The following NCKAP5 variants were observed in gnomAD, a reference collection of about 807,000 sequenced individuals.
NCKAP5 encodes NCK associated protein 5.
A neutral mutation model predicts 167.0 loss-of-function variants in NCKAP5; 92 were observed. That is an observed-to-expected ratio of 0.55 (90% confidence interval 0.47 to 0.66). The LOEUF is 0.66. Ranked by LOEUF, NCKAP5 falls within the 30% of genes least tolerant of loss-of-function variation. The probability of loss-of-function intolerance (pLI) is 0.00; values close to 1 mark genes in which losing one functional copy is unlikely to be tolerated. For missense variants in NCKAP5, 2,378 were observed against 2,315.0 expected, an observed-to-expected ratio of 1.03 and a Z score of -0.56; for synonymous variants, 891 against 877.4, an observed-to-expected ratio of 1.02 and a Z score of -0.27.
At chr2:133,526,774 A>G (rs1353958488) in intron 2 of NCKAP5, among the ~76,000 whole-genome samples, 2 of 152,194 alleles carry the variant, frequency 1.3e-5, no homozygotes, top group Non-Finnish European at 2.9e-5. Flanking sequence ...AATACATTAC[A>G]TAAAACGTCT....
intron 8 of NCKAP5, among the ~76,000 whole-genome samples, chr2:132,922,251 A>G (rs755968176): frequency 2.6e-5 from 4 of 152,188 alleles, no homozygotes; most frequent in Non-Finnish European, 2.9e-5. Flanking sequence ...TCATACATGT[A>G]AAAGCTCAGA....
chr2:133,153,394 G>A (rs2083449712), intron 5 of NCKAP5, among the ~76,000 whole-genome samples: 1 of 152,056 alleles, frequency 6.6e-6, no homozygotes, highest in Non-Finnish European at 1.5e-5. Flanking sequence ...TGAGAGTGGA[G>A]CAGGTAATAT....
At chr2:133,034,620 AC>A (rs1187180251) in intron 6 of NCKAP5, among the ~76,000 whole-genome samples, 1 of 152,118 alleles carries the variant, frequency 6.6e-6, no homozygotes, top group Non-Finnish European at 1.5e-5. Context: ...AAATGGGGGA[AC>A]AAAGTTAAGG....
chr2:133,203,468 A>C (rs2085797507), intron 5 of NCKAP5, among the ~76,000 whole-genome samples: 1 of 152,168 alleles, frequency 6.6e-6, no homozygotes, highest in Non-Finnish European at 1.5e-5. Context: ...GCAGCACACC[A>C]ACATGGTACA....
intron 3 of NCKAP5, among the ~76,000 whole-genome samples, chr2:133,444,353 AAGAT>A (rs3085736): frequency 0.34 from 50,778 of 147,514 alleles, 8,811 homozygotes; most frequent in Non-Finnish European, 0.37. Flanking sequence ...GACAAAAACA[AAGAT>A]AGATAGATAG....
chr2:133,194,507 C>T (rs1209015826), intron 5 of NCKAP5, among the ~76,000 whole-genome samples: 1 of 152,042 alleles, frequency 6.6e-6, no homozygotes, highest in Non-Finnish European at 1.5e-5. Context: ...TCACATCTGG[C>T]AAGCACAGCT....
At chr2:133,317,098 A>T (rs1407740827) in intron 3 of NCKAP5, among the ~76,000 whole-genome samples, 1 of 152,192 alleles carries the variant, frequency 6.6e-6, no homozygotes, top group Non-Finnish European at 1.5e-5. Context: ...ACCTTCTCAG[A>T]CCTAGTATTT....
chr2:133,228,896 A>G (rs2087015420), intron 4 of NCKAP5, among the ~76,000 whole-genome samples: 1 of 152,260 alleles, frequency 6.6e-6, no homozygotes, highest in Admixed American at 6.5e-5. Context: ...ATATTCAATT[A>G]GTACCTGATT....
At position 133,274,602 on chromosome 2, in the gene NCKAP5, C is replaced by T. The variant is rs569945961; in HGVS notation, c.143+28435G>A. Among the ~76,000 whole-genome samples, 4 of 151,902 alleles carry T rather than the reference C, an allele frequency of 2.6e-5. No homozygotes were observed. In the South Asian group the frequency reaches 8.3e-4, roughly 32 times the overall value. ...CTAACATTCCAAAAAGGGTCAGGTA[C>T]CTTACTATAAAACAATGTAATTCAA... On this transcript the variant is annotated intron_variant, in intron 4 of 19. Transcript: ENST00000409261.
In NCKAP5 at chr2:133,000,272, G is replaced by C. The variant is rs1317492402; in HGVS notation, c.342-6033C>G. Among the ~76,000 whole-genome samples the C allele has an allele frequency of 2.0e-5, 3 of 152,256 alleles. No individual in the cohort carries two copies. In the South Asian group the frequency reaches 6.2e-4, roughly 32 times the overall value. ...TTTAAGAAAGGGTCCCACCATGACT[G>C]AACTTCATTTAATGACAGGAAGAAA... is the stretch of plus-strand genomic sequence containing the variant. On this transcript the variant is annotated intron_variant, in intron 6 of 19. Coordinates refer to ENST00000409261, the MANE Select transcript of NCKAP5 (RefSeq NM_207363.3).
At chr2:133,368,705 T>C (rs912746578) in intron 3 of NCKAP5, among the ~76,000 whole-genome samples, 1 of 152,210 alleles carries the variant, frequency 6.6e-6, no homozygotes, top group Non-Finnish European at 1.5e-5. Flanking sequence ...ATGATTAAGT[T>C]GAGGAGATAA....
chr2:132,683,129 C>T (rs903709999), intron 19 of NCKAP5, among the ~76,000 whole-genome samples: 3 of 152,088 alleles, frequency 2.0e-5, no homozygotes, highest in Admixed American at 6.5e-5. Flanking sequence ...GGCCATCCAC[C>T]TGCCTCAGCC....
chr2:133,185,369 T>A (rs2084902303), intron 5 of NCKAP5, among the ~76,000 whole-genome samples: 1 of 152,178 alleles, frequency 6.6e-6, no homozygotes, highest in Admixed American at 6.6e-5. Flanking sequence ...TGTGGCACTA[T>A]AGTATAGTTT....
upstream of NCKAP5, among the ~76,000 whole-genome samples, chr2:133,568,898 T>A (rs554558212): frequency 5.2e-4 from 79 of 152,314 alleles, no homozygotes; most frequent in Non-Finnish European, 8.5e-4. Flanking sequence ...GCCGACATTT[T>A]TCCTAGATAG....
chr2:132,951,026 A>G (rs527286431), intron 8 of NCKAP5, among the ~76,000 whole-genome samples: 116 of 152,362 alleles, frequency 7.6e-4, no homozygotes, highest in Non-Finnish European at 1.3e-3. Context: ...CTATCTTGGG[A>G]AAAATGATGC....
At chr2:132,699,294 G>A (rs1687646704) in intron 19 of NCKAP5, among the ~76,000 whole-genome samples, 1 of 152,110 alleles carries the variant, frequency 6.6e-6, no homozygotes, top group Admixed American at 6.5e-5. Flanking sequence ...ATGCATTCAG[G>A]CTTTAATGTG....
intron 6 of NCKAP5, among the ~76,000 whole-genome samples, chr2:133,072,081 CTT>C: frequency 1.4e-5 from 2 of 145,080 alleles, no homozygotes; most frequent in African/African-American, 5.0e-5. Flanking sequence ...TTTATCCAGG[CTT>C]TTTTTTTTTT....
intron 4 of NCKAP5, among the ~76,000 whole-genome samples, chr2:133,277,670 A>C (rs2089784921): frequency 6.6e-6 from 1 of 152,184 alleles, no homozygotes; most frequent in Admixed American, 6.5e-5. Context: ...TATGTGAAGA[A>C]ACTTCCAAGA....
At chr2:133,541,843 C>T (rs549170053) in intron 2 of NCKAP5, among the ~76,000 whole-genome samples, 2 of 151,942 alleles carry the variant, frequency 1.3e-5, no homozygotes, top group Non-Finnish European at 2.9e-5. Context: ...AGGACTAAGT[C>T]GCCATAAACA....
Sources: gnomAD v4.1 joint callset for allele counts (sites outside exome capture counted in the v4.1 genomes callset) on GRCh38, gnomAD v4.1.1 for gene constraint, MANE v1.5 for transcripts, NCBI Gene and HGNC (gene_info 2026-07-23, HGNC 2026-07-21) for gene names.